The following PCDHGA1 variants were observed in gnomAD, a reference collection of about 807,000 sequenced individuals.
The protein encoded by PCDHGA1 is protocadherin gamma subfamily A, 1, also known as protocadherin gamma-A1.
In PCDHGA1, 32 loss-of-function variants were observed where a neutral mutation model predicts 58.0. The observed-to-expected ratio is 0.55, with a 90% CI of 0.42 to 0.74. The LOEUF is 0.74. Among genes scored for constraint, PCDHGA1 ranks in the 30% least tolerant of loss-of-function variants. PCDHGA1 has a pLI of 0.00. For missense variants in PCDHGA1, 1,205 were observed against 1,182.3 expected, an observed-to-expected ratio of 1.02 and a Z score of -0.28; for synonymous variants, 498 against 501.1, an observed-to-expected ratio of 0.99 and a Z score of 0.08.
At chr5:141,505,552 T>C (rs920594597) in intron 3 of PCDHGA1, 71 bp downstream of exon 3, 8 of 1,608,230 alleles carry the variant, frequency 5.0e-6, no homozygotes, top group Non-Finnish European at 6.8e-6. Context: ...ACAGCCACCA[T>C]GCCCACGGAC....
At position 141,332,327 on chromosome 5, in the gene PCDHGA1, T is replaced by C; in HGVS notation, c.1643T>C (p.Leu548Pro). The change falls in exon 1 of 4, where the codon CTC (leucine) becomes CCC (proline). Residue 548 changes from leucine (L) to proline (P), a missense_variant. Transcript: ENST00000517417. The surrounding 1 kb of genome is among the most constrained non-coding windows in gnomAD (Gnocchi z 4.6). ...CCGCCCCTCAGCAGCAACGTGTCTC[T>C]CAGCCTATTCCTGCTGGACCAGAAC... The part of the protein sequence containing the change: ...GDPPLSSNVS[L>P]SLFLLDQNDN... The C allele has an allele frequency of 6.2e-7, 1 of 1,614,192 alleles. No homozygotes were observed. Among genetic ancestry groups the C allele is most frequent in the Non-Finnish European group, 8.5e-7 (1 of 1,180,044 alleles).
Position 141,456,898 on chromosome 5 carries a change from G to A in PCDHGA1, c.2422-37909G>A, listed in dbSNP as rs1046778634. 3.9e-5 allele frequency among the ~76,000 whole-genome samples: 6 copies of A among 152,284 alleles called. No individual in the cohort carries two copies. The South Asian group carries it at 6.2e-4, about 16-fold the overall frequency. On this transcript the variant is annotated intron_variant, in intron 1 of 3. Transcript: ENST00000517417. ...GAATCGCTTGAACCCGGGAGGCAGA[G>A]GTTGCAGTGAGCCGAGATCGCACCA...
chr5:141,473,362 C>G (rs2099320242), intron 1 of PCDHGA1, among the ~76,000 whole-genome samples: 1 of 152,166 alleles, frequency 6.6e-6, no homozygotes, highest in South Asian at 2.1e-4. Flanking sequence ...AAGTGGCCAC[C>G]AAAATAGCAT....
rs200568923 is a variant in PCDHGA1 at position 141,413,794 on chromosome 5, G to A, written c.2421+80689G>A. On this transcript the variant is annotated intron_variant, in intron 1 of 3. Coordinates refer to ENST00000517417, the MANE Select transcript of PCDHGA1 (RefSeq NM_018912.3). The stretch of plus-strand genomic sequence containing the variant: ...GGTACTGGAGCACTCCCTAGATCGC[G>A]AGGAAGAGGCCATTCACCACCTGGT... 6.7e-5 allele frequency: 108 copies of A among 1,613,050 alleles called. No individual in the cohort carries two copies. Among genetic ancestry groups the A allele is most frequent in the Admixed American group, 8.3e-5 (5 of 59,990 alleles).
chr5:141,331,602 A>G lies in PCDHGA1; in HGVS notation c.918A>G (p.Pro306=). The stretch of plus-strand genomic sequence containing the variant: ...CAGGAGAAATATCAAATAAAGAACC[A>G]CTAGATTTCGAAGAATACAAAATGT... The part of the protein sequence containing the change: ...SYTGEISNKE[P]LDFEEYKMYS... Residue 306 remains proline, a synonymous_variant, in exon 1 of 4, where the codon CCA becomes CCG. Transcript: ENST00000517417. 2 of 1,614,056 alleles carry G rather than the reference A, an allele frequency of 1.2e-6. No homozygotes were observed. Among genetic ancestry groups the G allele is most frequent in the Non-Finnish European group, 1.7e-6 (2 of 1,180,010 alleles).
At chr5:141,450,676 G>A (rs1174388119) in intron 1 of PCDHGA1, among the ~76,000 whole-genome samples, 5 of 151,796 alleles carry the variant, frequency 3.3e-5, no homozygotes, top group African/African-American at 7.3e-5. Flanking sequence ...TAGTAGAAAC[G>A]GGGTTTTGCC....
In PCDHGA1 at chr5:141,450,141, G is replaced by A. The variant is rs762961199; in HGVS notation, c.2422-44666G>A. On this transcript the variant is annotated intron_variant, in intron 1 of 3. Transcript: ENST00000517417. ...CCTGCCTTAGCCTCCTGAGTAGCTG[G>A]GACTACAGGCATGTGCCACCACACT... Among the ~76,000 whole-genome samples, 401 of 151,622 alleles carry A rather than the reference G, an allele frequency of 2.6e-3. 1 individual carries two copies. The highest frequency in any genetic ancestry group is 3.8e-3 in the Non-Finnish European group (260 of 67,912).
At chr5:141,364,826 T>C in intron 1 of PCDHGA1, 1 of 1,613,980 alleles carries the variant, frequency 6.2e-7, no homozygotes, top group Non-Finnish European at 8.5e-7. Flanking sequence ...GGGTGTGAAC[T>C]CTCTCCGGAG....
At chr5:141,451,238 T>A (rs1167769789) in intron 1 of PCDHGA1, among the ~76,000 whole-genome samples, 6 of 152,214 alleles carry the variant, frequency 3.9e-5, no homozygotes, top group African/African-American at 1.4e-4. Context: ...TATTATCTCA[T>A]AAATTTTGTG....
At chr5:141,388,250 G>A in intron 1 of PCDHGA1, 1 of 1,610,522 alleles carries the variant, frequency 6.2e-7, no homozygotes, top group Middle Eastern at 1.7e-4. Flanking sequence ...TGAATGTGGA[G>A]ATCGAGGACA....
At chr5:141,500,469 AAAG>A (rs1479386829) in intron 2 of PCDHGA1, among the ~76,000 whole-genome samples, 1 of 152,052 alleles carries the variant, frequency 6.6e-6, no homozygotes, top group Non-Finnish European at 1.5e-5. Context: ...TCGGCCTCCC[AAAG>A]TGCTGGGATT....
intron 1 of PCDHGA1, chr5:141,364,455 G>A (rs753233498): frequency 1.9e-6 from 3 of 1,614,000 alleles, no homozygotes; most frequent in Non-Finnish European, 2.5e-6. Flanking sequence ...CTGGACAAAG[G>A]CTCCTTCGTC....
At chr5:141,343,976 G>A (rs762845266) in intron 1 of PCDHGA1, 15 of 1,391,488 alleles carry the variant, frequency 1.1e-5, no homozygotes, top group African/African-American at 2.9e-5. Flanking sequence ...AAATAAGATT[G>A]GAGTCCGTCG....
intron 1 of PCDHGA1, among the ~76,000 whole-genome samples, chr5:141,446,758 C>A (rs776925316): frequency 6.6e-6 from 1 of 152,326 alleles, no homozygotes; most frequent in Non-Finnish European, 1.5e-5. Flanking sequence ...TGAGCCACCG[C>A]GCCCAGCCGG....
intron 1 of PCDHGA1, chr5:141,370,655 C>A: frequency 6.2e-7 from 1 of 1,613,826 alleles, no homozygotes; most frequent in Non-Finnish European, 8.5e-7. Context: ...TACTTGTGAG[C>A]GACCGTATAG....
At chr5:141,448,223 T>C (rs1377619033) in intron 1 of PCDHGA1, among the ~76,000 whole-genome samples, 1 of 152,204 alleles carries the variant, frequency 6.6e-6, no homozygotes, top group Non-Finnish European at 1.5e-5. Context: ...TGCGAATGTA[T>C]GTGTGGGGTT....
intron 1 of PCDHGA1, among the ~76,000 whole-genome samples, chr5:141,446,777 CT>C (rs1480571336): frequency 6.6e-6 from 1 of 152,072 alleles, no homozygotes; most frequent in South Asian, 2.1e-4. Context: ...GGTTACCATT[CT>C]TTTACTCTGA....
intron 1 of PCDHGA1, chr5:141,394,067 C>T (rs773390718): frequency 1.9e-6 from 3 of 1,613,794 alleles, no homozygotes; most frequent in Admixed American, 3.3e-5. Flanking sequence ...TCTCTATCTA[C>T]AATATCACAG....
At chr5:141,359,201 G>A (rs908538216) in intron 1 of PCDHGA1, among the ~76,000 whole-genome samples, 2 of 152,124 alleles carry the variant, frequency 1.3e-5, no homozygotes, top group African/African-American at 4.8e-5. Flanking sequence ...ACAAGTGAAT[G>A]TTGAGAGACA....
Sources: gnomAD v4.1 joint callset for allele counts (sites outside exome capture counted in the v4.1 genomes callset) on GRCh38, gnomAD v4.1.1 for gene constraint, Gnocchi (gnomAD v3.1) non-coding constraint, MANE v1.5 for transcripts, NCBI Gene and HGNC (gene_info 2026-07-23, HGNC 2026-07-21) for gene names.